Variants in SGCD observed in about 807,000 individuals in gnomAD.
SGCD encodes the protein sarcoglycan delta, also known as delta-sarcoglycan.
A neutral mutation model predicts 36.6 loss-of-function variants in SGCD; 18 were observed. The observed-to-expected ratio is 0.49, with a 90% CI of 0.34 to 0.73. The LOEUF (loss-of-function observed/expected upper bound fraction) is 0.73. SGCD is among the 30% of genes least tolerant of loss of function. The pLI, the probability that SGCD is intolerant of heterozygous loss-of-function variation, is 0.01. For synonymous variants in SGCD, 133 were observed against 130.6 expected, an observed-to-expected ratio of 1.02 and a Z score of -0.12; for missense variants, 387 against 346.7, an observed-to-expected ratio of 1.12 and a Z score of -0.92.
chr5:155,837,074 T>G, the SGCD span, among the ~76,000 whole-genome samples: 1 of 152,340 alleles, frequency 6.6e-6, no homozygotes, highest in African/African-American at 2.4e-5. Flanking sequence ...CACATATTGT[T>G]TGTGACATGT....
At chr5:156,264,652 A>G (rs575484130) in intron 3 of SGCD, among the ~76,000 whole-genome samples, 1 of 152,254 alleles carries the variant, frequency 6.6e-6, no homozygotes, top group East Asian at 1.9e-4. Context: ...ATAATGCATT[A>G]GAAAGTACTT....
chr5:156,085,785 T>C (rs1581090170), intron 1 of SGCD, among the ~76,000 whole-genome samples: 1 of 152,158 alleles, frequency 6.6e-6, no homozygotes, highest in African/African-American at 2.4e-5. Context: ...GCAGGGAAGG[T>C]GATTGCCAGG....
intron 1 of SGCD, among the ~76,000 whole-genome samples, chr5:156,052,326 T>C (rs1759940168): frequency 1.4e-5 from 2 of 146,018 alleles, no homozygotes; most frequent in South Asian, 4.4e-4. Flanking sequence ...ACAGAAGCCA[T>C]TGTGGCTGGA....
rs112282889 is a variant in SGCD, at chr5:156,223,598, C to A, written c.-44+99579C>A. ...ACAGTTGTTGCAAGTGAGGTAGGTCCATGGGAAATAGTTTGGATTTAGCTT... is the reference window on the plus strand; with the variant it reads ...ACAGTTGTTGCAAGTGAGGTAGGTCAATGGGAAATAGTTTGGATTTAGCTT... On this transcript the variant is annotated intron_variant, in intron 3 of 9. Transcript: ENST00000517913. Among the ~76,000 whole-genome samples, 229 of 152,052 alleles carry A rather than the reference C, an allele frequency of 1.5e-3. 1 individual carries two copies. The highest frequency in any genetic ancestry group is 5.1e-3 in the African/African-American group (213 of 41,472).
Position 156,508,654 on chromosome 5 carries a change from C to G in SGCD, c.246C>G (p.Asp82Glu). 6.2e-7 allele frequency: 1 copy of G among 1,612,158 alleles called. No homozygotes were observed. The highest frequency in any genetic ancestry group is 8.5e-7 in the Non-Finnish European group (1 of 1,178,624). Residue 82 changes from aspartate (D) to glutamate (E), a missense_variant, in exon 4 of 9, where the codon GAC becomes GAG. By Grantham distance (45) the Asp-to-Glu change is conservative. Transcript: ENST00000337851. ...AAAAAGGTCTAAAGCTAGAAGGAGA[C>G]TCTGAATTCTTACAACCTCTCTACG... ...ITEKGLKLEG[D>E]SEFLQPLYAK...
intron 6 of SGCD, among the ~76,000 whole-genome samples, chr5:156,607,654 G>C (rs1297554631): frequency 6.6e-6 from 1 of 152,030 alleles, no homozygotes; most frequent in Non-Finnish European, 1.5e-5. Flanking sequence ...TGGTAGAATT[G>C]GGCTGTGAAT....
intron 2 of SGCD, among the ~76,000 whole-genome samples, chr5:156,120,245 A>G (rs1053883909): frequency 1.3e-5 from 2 of 152,086 alleles, no homozygotes; most frequent in Non-Finnish European, 2.9e-5. Flanking sequence ...AAGCAGAAAG[A>G]GGTGTGTAGG....
At chr5:156,125,170 T>C (rs1230190727) in intron 3 of SGCD, among the ~76,000 whole-genome samples, 2 of 152,250 alleles carry the variant, frequency 1.3e-5, no homozygotes, top group East Asian at 1.9e-4. Flanking sequence ...TTAATCTCCT[T>C]CAAAAAAGAA....
At chr5:156,349,131 C>A (rs1053393855) in intron 3 of SGCD, among the ~76,000 whole-genome samples, 12 of 151,916 alleles carry the variant, frequency 7.9e-5, no homozygotes, top group Admixed American at 5.2e-4. Flanking sequence ...GACCTGAAAA[C>A]TTCTAGAACA....
At chr5:156,224,903 C>T (rs920254534) in intron 3 of SGCD, among the ~76,000 whole-genome samples, 1 of 152,108 alleles carries the variant, frequency 6.6e-6, no homozygotes, top group East Asian at 1.9e-4. Context: ...TAGACAAAAT[C>T]TTCCTCAGTT....
At chr5:156,577,088 T>C (rs1376943209) in intron 4 of SGCD, among the ~76,000 whole-genome samples, 1 of 152,224 alleles carries the variant, frequency 6.6e-6, no homozygotes, top group Non-Finnish European at 1.5e-5. Flanking sequence ...TTGAATTAAT[T>C]TTTCTATAAA....
chr5:156,661,902 A>AC (rs1763948122), intron 7 of SGCD, among the ~76,000 whole-genome samples: 1 of 150,752 alleles, frequency 6.6e-6, no homozygotes, highest in Non-Finnish European at 1.5e-5. Context: ...AAAAGTCTTA[A>AC]CTGTACTGTG....
intron 7 of SGCD, among the ~76,000 whole-genome samples, chr5:156,729,993 TA>T (rs527642818): frequency 1.8e-3 from 267 of 152,308 alleles, no homozygotes; most frequent in African/African-American, 5.8e-3. Context: ...AGAGGCAAGT[TA>T]AAAATTTTTC....
intron 3 of SGCD, among the ~76,000 whole-genome samples, chr5:156,296,485 A>G (rs1472281145): frequency 6.6e-6 from 1 of 152,162 alleles, no homozygotes; most frequent in African/African-American, 2.4e-5. Context: ...TTACACCTTA[A>G]CACTGCATTT....
intron 3 of SGCD, among the ~76,000 whole-genome samples, chr5:156,138,743 A>G (rs944219434): frequency 3.3e-5 from 5 of 152,204 alleles, no homozygotes; most frequent in Admixed American, 6.5e-5. Context: ...TGGGGTAGGT[A>G]TACATTTAGT....
chr5:156,333,388 A>G (rs1158851727), intron 2 of SGCD, among the ~76,000 whole-genome samples: 1 of 152,232 alleles, frequency 6.6e-6, no homozygotes, highest in African/African-American at 2.4e-5. Flanking sequence ...TAGTCACTCA[A>G]TAGGTATTCA....
At chr5:155,827,845 A>ATTTTTTTTTT in the SGCD span, among the ~76,000 whole-genome samples, 1 of 124,932 alleles carries the variant, frequency 8.0e-6, no homozygotes, top group Non-Finnish European at 1.6e-5. Flanking sequence ...CACCTGGCTA[A>ATTTTTTTTTT]TTTTTTTTTT....
upstream of SGCD, among the ~76,000 whole-genome samples, chr5:155,865,878 G>A (rs1226947917): frequency 1.3e-5 from 2 of 152,118 alleles, no homozygotes; most frequent in Non-Finnish European, 2.9e-5. Flanking sequence ...AACAAATGCT[G>A]TCAGTTGCTA....
intron 6 of SGCD, among the ~76,000 whole-genome samples, chr5:156,597,470 T>A (rs1478007620): frequency 2.6e-5 from 4 of 152,170 alleles, no homozygotes; most frequent in Non-Finnish European, 2.9e-5. Context: ...AAAACTGCCC[T>A]TTATGCAACC....
Sources: allele counts gnomAD v4.1 joint callset (sites outside exome capture counted in the v4.1 genomes callset), GRCh38; gene constraint gnomAD v4.1.1; transcripts MANE v1.5; gene names NCBI Gene and HGNC (gene_info 2026-07-23, HGNC 2026-07-21).